Variants in CTSA observed in about 807,000 individuals in gnomAD.
CTSA encodes lysosomal protective protein.
CTSA carries 42 observed loss-of-function variants against 66.7 expected under a neutral mutation model. That is an observed-to-expected ratio of 0.63 (90% CI 0.49 to 0.81). The LOEUF (loss-of-function observed/expected upper bound fraction) is 0.81, where lower values mean the gene tolerates loss of function less well. Among genes scored for constraint, CTSA ranks in the 40% least tolerant of loss-of-function variants. CTSA has a pLI of 0.00. For synonymous variants in CTSA, 225 were observed against 248.6 expected (o/e 0.91, Z 0.89); for missense variants, 525 against 610.9 (o/e 0.86, Z 1.48).
Position 45,891,800 on chromosome 20 carries a change from AGATGACG to A in CTSA, c.194+44_194+50del. 6.2e-7 allele frequency: 1 copy of A among 1,613,522 alleles called. No individual in the cohort carries two copies. The highest frequency in any genetic ancestry group is 8.5e-7 in the Non-Finnish European group (1 of 1,179,702). Reference sequence around the variant, plus strand: ...GCCTTCTGGGCGGGATTGGGAGAAGAGATGACGGATGAGGGATGGGGGGTAGTTCTGC... The same window carrying A: ...GCCTTCTGGGCGGGATTGGGAGAAGAGATGAGGGATGGGGGGTAGTTCTGC... On this transcript the variant is annotated intron_variant, in intron 2 of 14. Coordinates refer to ENST00000646241, the MANE Select transcript of CTSA (RefSeq NM_000308.4). This position sits in a 1 kb window ranked among gnomAD's most constrained non-coding sequence, Gnocchi z 4.6.
In CTSA at chr20:45,891,394, G is replaced by A; in HGVS notation, c.-1+15G>A. The A allele has an allele frequency of 6.4e-7, 1 of 1,565,966 alleles. No homozygotes were observed. The highest frequency in any genetic ancestry group is 8.7e-7 in the Non-Finnish European group (1 of 1,156,018). On this transcript the variant is annotated intron_variant, in intron 1 of 14. Coordinates refer to ENST00000646241, the MANE Select transcript of CTSA (RefSeq NM_000308.4). This position sits in a 1 kb window ranked among gnomAD's most constrained non-coding sequence, Gnocchi z 4.6. ...GGGGAGCAGAGGTGAGCTGGCACCG[G>A]AGGCTGGAGGGGATCCCCGAGCCCG...
Position 45,898,734 on chromosome 20 carries a change from A to G in CTSA, c.*284A>G, listed in dbSNP as rs1441296863. 16 of 693,566 alleles carry G rather than the reference A, an allele frequency of 2.3e-5. No individual in the cohort carries two copies. Among genetic ancestry groups the G allele is most frequent in the Non-Finnish European group, 3.6e-5 (15 of 414,718 alleles). 43.0% of individuals were successfully genotyped at this position (693,566 alleles called of 1,614,324 possible). A position where few individuals can be genotyped will look rare whatever the true frequency, so the allele number is the denominator to read the frequency against. ...GCACTGATTCCATCCCAGGAACCCA[A>G]CAGAGCTCAGGACAGCCCACAGGGA... is the stretch of plus-strand genomic sequence containing the variant. On this transcript the variant is annotated 3_prime_UTR_variant, in exon 15 of 15. Coordinates refer to ENST00000646241, the MANE Select transcript of CTSA (RefSeq NM_000308.4). This position sits in a 1 kb window ranked among gnomAD's most constrained non-coding sequence, Gnocchi z 4.6.
rs748154467 is a variant in CTSA at position 45,891,367 on chromosome 20, C to A, written c.-13C>A. 21 of 1,575,024 alleles carry A rather than the reference C, an allele frequency of 1.3e-5. No homozygotes were observed. The highest frequency in any genetic ancestry group is 1.6e-5 in the Non-Finnish European group (18 of 1,160,896). ...GGGCGCCTCCTGGAGAGCAAGGACG[C>A]GGGGGAGCAGAGGTGAGCTGGCACC... On this transcript the variant is annotated 5_prime_UTR_variant, in exon 1 of 15. Transcript: ENST00000646241. This position sits in a 1 kb window ranked among gnomAD's most constrained non-coding sequence, Gnocchi z 4.6.
chr20:45,893,339 CTG>C (rs761419477), intron 7 of CTSA, 28 bp downstream of exon 7: 18 of 1,541,098 alleles, frequency 1.2e-5, no homozygotes, highest in Admixed American at 3.3e-5. Flanking sequence ...TGGGCAATCT[CTG>C]GGGTGAGGCA....
Position 45,898,016 on chromosome 20 carries a change from G to C in CTSA, c.1266G>C (p.Gln422His). Residue 422 changes from glutamine (Q) to histidine (H), a missense_variant, in exon 14 of 15, where the codon CAG (glutamine) becomes CAC (histidine). This residue lies in a region of CTSA where 274 missense variants were observed against 321.1 expected (regional missense o/e 0.85). Transcript: ENST00000646241. This position sits in a 1 kb window ranked among gnomAD's most constrained non-coding sequence, Gnocchi z 4.6. ...TCCTGGTGGGGCAGATGGAGGTGCA[G>C]CGCCGGCCCTGGTTAGTGAAGTACG... The part of the protein sequence containing the change: ...VDSLNQKMEV[Q>H]RRPWLVKYGD... 6.2e-7 allele frequency: 1 copy of C among 1,614,188 alleles called. No homozygotes were observed. Among genetic ancestry groups the C allele is most frequent in the Non-Finnish European group, 8.5e-7 (1 of 1,180,032 alleles).
rs2083126108 is a variant in CTSA at position 45,897,741 on chromosome 20, G to A, written c.1189G>A (p.Gly397Arg). The change falls in exon 13 of 15, where the codon GGA (glycine) becomes AGA (arginine). Residue 397 changes from glycine to arginine, a missense_variant. Physicochemically the swap from Gly to Arg is moderately radical, Grantham distance 125 (BLOSUM62 -2). Around this residue, in one of 3 missense-constraint regions of CTSA, gnomAD observed 274 missense variants for 321.1 expected, o/e 0.85. Coordinates refer to ENST00000646241, the MANE Select transcript of CTSA (RefSeq NM_000308.4). ...SQKYQILLYN[G>R]DVDMACNFMG... ...GAAATACCAGATCCTATTATATAAT[G>A]GAGATGTAGACATGGCCTGCAATTT... 6.2e-7 allele frequency: 1 copy of A among 1,610,620 alleles called. No homozygotes were observed. The highest frequency in any genetic ancestry group is 2.2e-5 in the East Asian group (1 of 44,850).
intron 5 of CTSA, 107 bp from the exon 6 acceptor site, chr20:45,892,618 C>T: frequency 3.3e-6 from 5 of 1,531,620 alleles, no homozygotes; most frequent in Non-Finnish European, 4.5e-6. Flanking sequence ...TGGCCAGTCA[C>T]TTCCTCTTGC....
chr20:45,897,812 G>A lies in CTSA; in HGVS notation c.1254+6G>A. 6.2e-7 allele frequency: 1 copy of A among 1,604,038 alleles called. No individual in the cohort carries two copies. The highest frequency in any genetic ancestry group is 2.2e-5 in the East Asian group (1 of 44,800). ...TGGATTCCCTCAACCAGAAGGTAAG[G>A]TAGAGATTCCTGGCCCTGGGATAGG... On this transcript the variant is annotated splice_donor_region_variant and intron_variant, in intron 13 of 14. Coordinates refer to ENST00000646241, the MANE Select transcript of CTSA (RefSeq NM_000308.4).
intron 3 of CTSA, 117 bp from the exon 4 acceptor site, chr20:45,892,156 C>T: frequency 7.0e-7 from 1 of 1,432,752 alleles, no homozygotes; most frequent in Non-Finnish European, 9.8e-7. Context: ...ATGCCATTGG[C>T]TTTGCTGCCT....
At chr20:45,895,435 C>T (rs746528478) in intron 11 of CTSA, among the ~76,000 whole-genome samples, 11 of 150,556 alleles carry the variant, frequency 7.3e-5, no homozygotes, top group Non-Finnish European at 1.6e-4. Flanking sequence ...ATCCTCCCAC[C>T]TCCCCAGTAG....
chr20:45,895,658 A>G (rs61241783), intron 11 of CTSA, among the ~76,000 whole-genome samples: 11,885 of 152,002 alleles, frequency 0.078, 797 homozygotes, highest in East Asian at 0.25. Flanking sequence ...ACAGTTCACT[A>G]CAGCCTCAAC....
chr20:45,891,513 C>T lies in CTSA; in HGVS notation c.1-56C>T. On this transcript the variant is annotated intron_variant, in intron 1 of 14. Transcript: ENST00000646241. This position sits in a 1 kb window ranked among gnomAD's most constrained non-coding sequence, Gnocchi z 4.6. ...GGCGCCGCCAGCAACTCCCCGGGGG[C>T]TGCTGCACGGAAGCGCTGAGGAGCG... 6.4e-7 allele frequency: 1 copy of T among 1,559,302 alleles called. No individual in the cohort carries two copies. The highest frequency in any genetic ancestry group is 2.2e-4 in the Middle Eastern group (1 of 4,518).
chr20:45,898,144 G>A lies in CTSA; in HGVS notation c.1359+35G>A, dbSNP rs7270170. 0.42 allele frequency: 663,074 copies of A among 1,594,712 alleles called. 146,858 individuals carry two copies. Among genetic ancestry groups the A allele is most frequent in the Non-Finnish European group, 0.46 (531,077 of 1,163,166 alleles). ...GGGCCTGCTGAGAGATAACTGGGCC[G>A]GAGGCAAAGGAGCAGGACCCACCCG... On this transcript the variant is annotated intron_variant, in intron 14 of 14. Coordinates refer to ENST00000646241, the MANE Select transcript of CTSA (RefSeq NM_000308.4). This position sits in a 1 kb window ranked among gnomAD's most constrained non-coding sequence, Gnocchi z 4.6.
chr20:45,892,806 G>A lies in CTSA; in HGVS notation c.526G>A (p.Gly176Arg), dbSNP rs1181505867. The A allele has an allele frequency of 2.5e-6, 4 of 1,614,010 alleles. No individual in the cohort carries two copies. The highest frequency in any genetic ancestry group is 3.3e-5 in the Admixed American group (2 of 60,000). Residue 176 changes from glycine (G) to arginine (R), a missense_variant, in exon 6 of 15, where the codon GGG (glycine) becomes AGG (arginine). This residue lies in a region of CTSA where 246 missense variants were observed against 267.4 expected (regional missense o/e 0.92). Coordinates refer to ENST00000646241, the MANE Select transcript of CTSA (RefSeq NM_000308.4). ...EYKNNKLFLT[G>R]ESYAGIYIPT... ...CAAGAACAACAAACTTTTCCTGACC[G>A]GGGAGAGCTATGCTGGCATCTACAT...
Position 45,892,384 on chromosome 20 carries a change from T to C in CTSA, c.358-14T>C. ...GATGGGGTGGCATTTAGCTAATTTTTCCCTCCCCTCTAGATTGCCAATGTG... is the reference window on the plus strand; with the variant it reads ...GATGGGGTGGCATTTAGCTAATTTTCCCCTCCCCTCTAGATTGCCAATGTG... On this transcript the variant is annotated splice_polypyrimidine_tract_variant and intron_variant, in intron 4 of 14. Transcript: ENST00000646241. The C allele has an allele frequency of 6.2e-7, 1 of 1,614,026 alleles. No homozygotes were observed. Among genetic ancestry groups the C allele is most frequent in the Non-Finnish European group, 8.5e-7 (1 of 1,179,948 alleles).
In CTSA at chr20:45,896,907, T is replaced by C. The variant is rs1249909168; in HGVS notation, c.1089-58T>C. On this transcript the variant is annotated intron_variant, in intron 11 of 14. Coordinates refer to ENST00000646241, the MANE Select transcript of CTSA (RefSeq NM_000308.4). ...GAGATAGGAGAGAAGGTCTGATCTGTTGACTACTTTTCGCCCCGACCTGGT... is the reference window on the plus strand; with the variant it reads ...GAGATAGGAGAGAAGGTCTGATCTGCTGACTACTTTTCGCCCCGACCTGGT... The C allele has an allele frequency of 5.8e-6, 8 of 1,368,704 alleles. No individual in the cohort carries two copies. The Admixed American group carries it at 1.2e-4, about 20-fold the overall frequency. The allele number at this position is 1,368,704 out of a possible 1,614,324, so 84.8% of individuals were successfully genotyped here. A position where few individuals can be genotyped will look rare whatever the true frequency, so the allele number is the denominator to read the frequency against.
intron 7 of CTSA, 173 bp downstream of exon 7, chr20:45,893,484 T>C: frequency 1.8e-6 from 1 of 546,600 alleles, no homozygotes; most frequent in Non-Finnish European, 3.1e-6. Context: ...TTTTCTTTCT[T>C]TCTTTTTTTT....
intron 11 of CTSA, 175 bp from the exon 12 acceptor site, chr20:45,896,790 T>A (rs2083111985): frequency 7.5e-6 from 5 of 666,248 alleles, no homozygotes; most frequent in Non-Finnish European, 1.4e-5. Flanking sequence ...TCCCAGCCCA[T>A]CCAGCCCAAC....
At chr20:45,896,510 G>C (rs2083108053) in intron 11 of CTSA, 1 of 235,590 alleles carries the variant, frequency 4.2e-6, no homozygotes, top group Non-Finnish European at 8.5e-6. Flanking sequence ...TTGGCTCACT[G>C]CAACCTCCGC....
Sources: gnomAD v4.1 joint callset for allele counts (sites outside exome capture counted in the v4.1 genomes callset) on GRCh38, gnomAD v4.1.1 for gene constraint, gnomAD v4.1.1 regional missense constraint, Gnocchi (gnomAD v3.1) non-coding constraint, MANE v1.5 for transcripts, NCBI Gene and HGNC (gene_info 2026-07-23, HGNC 2026-07-21) for gene names.